Variants in KIF6 observed in about 807,000 individuals in gnomAD.
KIF6 encodes the protein kinesin family member 6, also known as kinesin-like protein KIF6.
A neutral mutation model predicts 112.7 loss-of-function variants in KIF6; 106 were observed. The ratio of observed to expected loss-of-function variants is 0.94; its 90% CI spans 0.80 to 1.11. The LOEUF is 1.11. Ranked by LOEUF, KIF6 falls within the 50% of genes least tolerant of loss-of-function variation. KIF6 has a pLI of 0.00. For missense variants in KIF6, 929 were observed against 964.0 expected (o/e 0.96, Z 0.48); for synonymous variants, 339 against 339.9 (o/e 1.00, Z 0.03).
chr6:39,345,192 G>A (rs1763606929), intron 21 of KIF6, among the ~76,000 whole-genome samples: 1 of 152,258 alleles, frequency 6.6e-6, no homozygotes, highest in South Asian at 2.1e-4. Flanking sequence ...TAGTTTGGGT[G>A]TTGGCTTTCC....
intron 3 of KIF6, among the ~76,000 whole-genome samples, chr6:39,676,520 G>C (rs1349716771): frequency 6.6e-6 from 1 of 151,904 alleles, no homozygotes; most frequent in Non-Finnish European, 1.5e-5. Context: ...AAAGAAACTA[G>C]GATAACACGG....
At position 39,342,981 on chromosome 6, in the gene KIF6, C is replaced by T; in HGVS notation, c.2428+728G>A. 1 of 985,464 alleles carries T rather than the reference C, an allele frequency of 1.0e-6. No homozygotes were observed. The highest frequency in any genetic ancestry group is 1.2e-6 in the Non-Finnish European group (1 of 829,944). 61.0% of individuals were successfully genotyped at this position (985,464 alleles called of 1,614,324 possible). A position where few individuals can be genotyped will look rare whatever the true frequency, so the allele number is the denominator to read the frequency against. On this transcript the variant is annotated intron_variant, in intron 22 of 22. Coordinates refer to ENST00000287152, the MANE Select transcript of KIF6 (RefSeq NM_145027.6). The surrounding 1 kb of genome is among the most constrained non-coding windows in gnomAD (Gnocchi z 4.7). ...TGGCAATGTGAAGGCAATGTTAAGC[C>T]TGCCTAGTAGCCTTTGGGTTATGGG...
At chr6:39,429,802 G>A (rs1323569871) in intron 14 of KIF6, among the ~76,000 whole-genome samples, 1 of 152,042 alleles carries the variant, frequency 6.6e-6, no homozygotes, top group Non-Finnish European at 1.5e-5. Flanking sequence ...CAGCTACTTG[G>A]GAGGCTGAGG....
chr6:39,545,535 T>G (rs766060300), intron 11 of KIF6, 48 bp downstream of exon 11: 3 of 1,443,028 alleles, frequency 2.1e-6, no homozygotes, highest in Non-Finnish European at 2.9e-6. Flanking sequence ...TTTTTGCAGC[T>G]TGAACATGGC....
At position 39,576,403 on chromosome 6, in the gene KIF6, T is replaced by C. The variant is rs367554029; in HGVS notation, c.1181+1653A>G. Among the ~76,000 whole-genome samples the C allele has an allele frequency of 3.9e-5, 6 of 152,312 alleles. No individual in the cohort carries two copies. In the East Asian group the frequency reaches 1.2e-3, roughly 29 times the overall value. On this transcript the variant is annotated intron_variant, in intron 10 of 22. Coordinates refer to ENST00000287152, the MANE Select transcript of KIF6 (RefSeq NM_145027.6). ...CCTCCCAAAGTGCTGGGATTACAGA[T>C]GTGAACATTGGTAGTGATTGAATAT...
intron 6 of KIF6, among the ~76,000 whole-genome samples, chr6:39,607,471 C>T (rs906084067): frequency 1.3e-5 from 2 of 152,110 alleles, no homozygotes; most frequent in Admixed American, 1.3e-4. Flanking sequence ...TTCTTTTCTT[C>T]TATACCTAGT....
chr6:39,448,680 T>C (rs955602323), intron 13 of KIF6, among the ~76,000 whole-genome samples: 3 of 152,172 alleles, frequency 2.0e-5, no homozygotes, highest in Admixed American at 1.3e-4. Flanking sequence ...CCTTCAGATA[T>C]TGTTTAGCTC....
At chr6:39,615,573 T>C (rs1247383880) in intron 5 of KIF6, among the ~76,000 whole-genome samples, 4 of 133,208 alleles carry the variant, frequency 3.0e-5, no homozygotes, top group Admixed American at 9.0e-5. Context: ...TGGTCCAGGG[T>C]ATGGTCTGGG....
intron 18 of KIF6, among the ~76,000 whole-genome samples, chr6:39,360,034 A>G (rs1021911557): frequency 1.9e-4 from 29 of 152,216 alleles, no homozygotes; most frequent in African/African-American, 7.0e-4. Flanking sequence ...CTGCCTAGTA[A>G]AATTTCTATA....
At chr6:39,501,319 C>T (rs1026018607) in intron 13 of KIF6, among the ~76,000 whole-genome samples, 1 of 152,138 alleles carries the variant, frequency 6.6e-6, no homozygotes, top group African/African-American at 2.4e-5. Flanking sequence ...AAAACCCTAT[C>T]CAAAGGTCAG....
intron 10 of KIF6, among the ~76,000 whole-genome samples, chr6:39,569,227 A>G (rs1319426571): frequency 6.6e-6 from 1 of 152,256 alleles, no homozygotes; most frequent in East Asian, 1.9e-4. Context: ...TCCAGAATTA[A>G]GTACTGACAA....
In KIF6 at chr6:39,722,312, A is replaced by C. The variant is rs190912648; in HGVS notation, c.67-1501T>G. Among the ~76,000 whole-genome samples, 321 of 152,352 alleles carry C rather than the reference A, an allele frequency of 2.1e-3. 1 individual carries two copies. Among genetic ancestry groups the C allele is most frequent in the African/African-American group, 7.4e-3 (306 of 41,584 alleles). ...TTAATGACCCTCCACTACTCTGATT[A>C]AGACACTCTTTGAGGCCTTAAGAAA... On this transcript the variant is annotated intron_variant, in intron 1 of 22. Coordinates refer to ENST00000287152, the MANE Select transcript of KIF6 (RefSeq NM_145027.6).
intron 16 of KIF6, among the ~76,000 whole-genome samples, chr6:39,372,334 C>A (rs1766075428): frequency 6.6e-6 from 1 of 152,182 alleles, no homozygotes. Context: ...ACACCACCAA[C>A]AGCTATTAAG....
intron 10 of KIF6, among the ~76,000 whole-genome samples, chr6:39,547,719 T>G (rs1421872469): frequency 6.6e-6 from 1 of 152,246 alleles, no homozygotes; most frequent in East Asian, 1.9e-4. Flanking sequence ...GTCTGAATAA[T>G]GCTTTACATC....
chr6:39,534,327 G>T (rs1412238574), intron 13 of KIF6, among the ~76,000 whole-genome samples: 2 of 152,200 alleles, frequency 1.3e-5, no homozygotes, highest in African/African-American at 2.4e-5. Flanking sequence ...AAATTTAGAA[G>T]AATGTATAAC....
chr6:39,450,758 T>C (rs371458155), intron 13 of KIF6, among the ~76,000 whole-genome samples: 5 of 152,332 alleles, frequency 3.3e-5, no homozygotes, highest in South Asian at 4.1e-4. Flanking sequence ...TCAGCCATAA[T>C]CGCACCACTG....
intron 3 of KIF6, among the ~76,000 whole-genome samples, chr6:39,695,584 C>T (rs1250780475): frequency 6.6e-6 from 1 of 152,004 alleles, no homozygotes; most frequent in African/African-American, 2.4e-5. Flanking sequence ...TGATGCAAAC[C>T]AAAACTACAA....
intron 13 of KIF6, among the ~76,000 whole-genome samples, chr6:39,500,263 T>C (rs1776045344): frequency 6.6e-6 from 1 of 152,142 alleles, no homozygotes; most frequent in South Asian, 2.1e-4. Context: ...AAGAAACCAG[T>C]TGCAAGAATA....
chr6:39,523,002 G>A (rs971737045), intron 13 of KIF6, among the ~76,000 whole-genome samples: 1 of 152,114 alleles, frequency 6.6e-6, no homozygotes, highest in Non-Finnish European at 1.5e-5. Flanking sequence ...TGCTTTGAGC[G>A]CTAAAGCTAT....
Sources: allele counts gnomAD v4.1 joint callset (sites outside exome capture counted in the v4.1 genomes callset), GRCh38; gene constraint gnomAD v4.1.1; non-coding constraint Gnocchi (gnomAD v3.1); transcripts MANE v1.5; gene names NCBI Gene and HGNC (gene_info 2026-07-23, HGNC 2026-07-21).